RBFOX1: variants seen among roughly 807,000 people sequenced by gnomAD.
RBFOX1 encodes RNA binding fox-1 homolog 1.
Under a neutral mutation model 57.7 loss-of-function variants are expected in RBFOX1, and 8 were observed. The observed-to-expected ratio is 0.14, with a 90% CI of 0.08 to 0.25. The LOEUF (loss-of-function observed/expected upper bound fraction) is 0.25, where lower values mean the gene tolerates loss of function less well. RBFOX1 is among the 10% of genes least tolerant of loss of function. The pLI, the probability that RBFOX1 is intolerant of heterozygous loss-of-function variation, is 1.00. For missense variants in RBFOX1, 611 were observed against 548.5 expected, an observed-to-expected ratio of 1.11 and a Z score of -1.14; for synonymous variants, 326 against 222.4, an observed-to-expected ratio of 1.47 and a Z score of -4.15.
At chr16:6,073,173 C>G (rs891771061) in intron 1 of RBFOX1, among the ~76,000 whole-genome samples, 4 of 152,164 alleles carry the variant, frequency 2.6e-5, no homozygotes, top group African/African-American at 9.7e-5. Flanking sequence ...AAGTTGATAA[C>G]TAAGCCTTCA....
chr16:6,418,223 T>C (rs1041756164), intron 2 of RBFOX1, among the ~76,000 whole-genome samples: 2 of 152,156 alleles, frequency 1.3e-5, no homozygotes, highest in African/African-American at 4.8e-5. Flanking sequence ...GGAGAGACCA[T>C]ATGGCATGCC....
At chr16:6,794,356 A>G (rs1418399164) in intron 3 of RBFOX1, among the ~76,000 whole-genome samples, 1 of 149,294 alleles carries the variant, frequency 6.7e-6, no homozygotes, top group Non-Finnish European at 1.5e-5. Flanking sequence ...CTCAAACTAC[A>G]GGAAATTGCT....
At chr16:5,962,666 C>T (rs568148392) in intron 4 of RBFOX1, among the ~76,000 whole-genome samples, 48 of 152,186 alleles carry the variant, frequency 3.2e-4, no homozygotes, top group South Asian at 2.7e-3. Flanking sequence ...AAATGGCTAA[C>T]AGATCGTAGA....
At chr16:5,390,291 CTT>C (rs549557876) in intron 1 of RBFOX1, among the ~76,000 whole-genome samples, 28 of 108,388 alleles carry the variant, frequency 2.6e-4, no homozygotes, top group Non-Finnish European at 3.2e-4. Flanking sequence ...TTTTTTTTTT[CTT>C]TTTTTTTTTT....
chr16:6,278,038 T>A (rs1347366667), intron 1 of RBFOX1, among the ~76,000 whole-genome samples: 7 of 152,104 alleles, frequency 4.6e-5, no homozygotes, highest in Non-Finnish European at 8.8e-5. Flanking sequence ...TTCCCTTACT[T>A]TGTAAGTGGG....
chr16:7,473,899 C>T (rs571881328), intron 4 of RBFOX1, among the ~76,000 whole-genome samples: 5 of 152,292 alleles, frequency 3.3e-5, no homozygotes, highest in African/African-American at 1.2e-4. Context: ...AGCTCTCAAA[C>T]TTTTTGTAAC....
intron 2 of RBFOX1, among the ~76,000 whole-genome samples, chr16:6,387,777 A>G (rs1211082033): frequency 6.6e-6 from 1 of 151,764 alleles, no homozygotes; most frequent in Non-Finnish European, 1.5e-5. Flanking sequence ...AAGAGTGTCC[A>G]TTTTTCCCTC....
chr16:7,342,433 G>A (rs748483436), intron 4 of RBFOX1, among the ~76,000 whole-genome samples: 2 of 152,184 alleles, frequency 1.3e-5, no homozygotes, highest in South Asian at 2.1e-4. Context: ...TGGTCACATC[G>A]ACTGCAGAAG....
At chr16:6,842,694 T>G (rs955664722) in intron 3 of RBFOX1, among the ~76,000 whole-genome samples, 12 of 151,224 alleles carry the variant, frequency 7.9e-5, no homozygotes, top group Admixed American at 7.3e-4. Context: ...GGGATACATG[T>G]GTAGAATGTG....
intron 3 of RBFOX1, among the ~76,000 whole-genome samples, chr16:5,661,820 C>G (rs535803324): frequency 1.3e-5 from 2 of 152,216 alleles, no homozygotes; most frequent in African/African-American, 4.8e-5. Context: ...GAGTCTCACT[C>G]TGTTGCCCAG....
intron 3 of RBFOX1, among the ~76,000 whole-genome samples, chr16:6,711,767 T>A (rs566968372): frequency 2.0e-5 from 3 of 152,334 alleles, no homozygotes; most frequent in Non-Finnish European, 4.4e-5. Flanking sequence ...CTCACCACTC[T>A]CATTCTAGAC....
chr16:6,842,713 T>A (rs1233421590), intron 3 of RBFOX1, among the ~76,000 whole-genome samples: 1 of 151,848 alleles, frequency 6.6e-6, no homozygotes, highest in African/African-American at 2.4e-5. Context: ...TGCAGGTTTG[T>A]TACATAGGTA....
At chr16:5,727,319 C>G (rs2052189078) in intron 3 of RBFOX1, among the ~76,000 whole-genome samples, 2 of 152,094 alleles carry the variant, frequency 1.3e-5, no homozygotes, top group South Asian at 4.2e-4. Flanking sequence ...GATGTGAAGA[C>G]TGACTTTACT....
At chr16:5,314,864 A>G (rs1317455497) in intron 1 of RBFOX1, among the ~76,000 whole-genome samples, 8 of 152,310 alleles carry the variant, frequency 5.3e-5, no homozygotes, top group African/African-American at 1.9e-4. Flanking sequence ...GGTCAAAGAA[A>G]AAACTTCAAG....
chr16:6,314,708 T>C (rs2152771157), intron 1 of RBFOX1, among the ~76,000 whole-genome samples: 1 of 152,268 alleles, frequency 6.6e-6, no homozygotes, highest in East Asian at 1.9e-4. Context: ...GTAGCTATTA[T>C]TTTTAATAAA....
chr16:7,003,024 T>A (rs891874471), intron 3 of RBFOX1, among the ~76,000 whole-genome samples: 1 of 140,880 alleles, frequency 7.1e-6, no homozygotes, highest in Non-Finnish European at 1.6e-5. Context: ...TCTTTTTTTT[T>A]CTTCTTCTTT....
intron 4 of RBFOX1, among the ~76,000 whole-genome samples, chr16:5,869,483 C>T (rs2057416916): frequency 6.6e-6 from 1 of 152,158 alleles, no homozygotes. Flanking sequence ...CTCACTGCAA[C>T]CTCCGCCTCC....
chr16:6,168,049 G>C (rs753620431), intron 1 of RBFOX1, among the ~76,000 whole-genome samples: 3 of 152,136 alleles, frequency 2.0e-5, no homozygotes, highest in African/African-American at 4.8e-5. Context: ...TGACAGTTTT[G>C]TCTGTGATAT....
At chr16:7,071,536 C>G (rs1460773802) in intron 4 of RBFOX1, among the ~76,000 whole-genome samples, 3 of 151,692 alleles carry the variant, frequency 2.0e-5, no homozygotes, top group South Asian at 4.2e-4. Context: ...ACAACTTGAT[C>G]ACAAATTGTT....
Sources: allele counts gnomAD v4.1 joint callset (sites outside exome capture counted in the v4.1 genomes callset), GRCh38; gene constraint gnomAD v4.1.1; transcripts MANE v1.5; gene names NCBI Gene and HGNC (gene_info 2026-07-23, HGNC 2026-07-21).